The following ARHGAP25 variants were observed in gnomAD, a reference collection of about 807,000 sequenced individuals.
ARHGAP25 encodes rho GTPase-activating protein 25.
A neutral mutation model predicts 71.0 loss-of-function variants in ARHGAP25; 34 were observed. The ratio of observed to expected loss-of-function variants is 0.48; its 90% CI spans 0.36 to 0.64. The LOEUF (loss-of-function observed/expected upper bound fraction) is 0.64, where lower values mean the gene tolerates loss of function less well. Among genes scored for constraint, ARHGAP25 ranks in the 30% least tolerant of loss-of-function variants. The pLI, the probability that ARHGAP25 is intolerant of heterozygous loss-of-function variation, is 0.00. For missense variants in ARHGAP25, 706 were observed against 805.1 expected, an observed-to-expected ratio of 0.88 and a Z score of 1.49; for synonymous variants, 282 against 296.5, an observed-to-expected ratio of 0.95 and a Z score of 0.50.
chr2:68,790,081 A>G (rs1378771899), intron 4 of ARHGAP25, among the ~76,000 whole-genome samples: 1 of 152,128 alleles, frequency 6.6e-6, no homozygotes, highest in Non-Finnish European at 1.5e-5. Context: ...CTCCGCTTCC[A>G]GGGTTTGAGC....
At chr2:68,788,263 G>A (rs369838977) in intron 4 of ARHGAP25, among the ~76,000 whole-genome samples, 17 of 152,240 alleles carry the variant, frequency 1.1e-4, no homozygotes, top group African/African-American at 4.1e-4. Context: ...CTCCTCTCTG[G>A]GCCAAAGTAC....
At chr2:68,764,324 C>T (rs1302390036) in intron 1 of ARHGAP25, among the ~76,000 whole-genome samples, 2 of 152,172 alleles carry the variant, frequency 1.3e-5, no homozygotes, top group Non-Finnish European at 2.9e-5. Flanking sequence ...CTGCTAGAAA[C>T]ATTCACATTC....
chr2:68,822,986 A>G, intron 10 of ARHGAP25, 114 bp downstream of exon 10: 2 of 1,108,760 alleles, frequency 1.8e-6, no homozygotes, highest in South Asian at 1.6e-5. Flanking sequence ...TGGGGAAGAC[A>G]GTAATCTATA....
chr2:68,756,454 C>A (rs1169617754), intron 1 of ARHGAP25, among the ~76,000 whole-genome samples: 4 of 152,208 alleles, frequency 2.6e-5, no homozygotes, highest in Admixed American at 2.6e-4. Flanking sequence ...TGTGCCTTTT[C>A]CTGTGTCTCC....
intron 2 of ARHGAP25, among the ~76,000 whole-genome samples, chr2:68,722,997 GCT>G (rs1164530142): frequency 2.0e-5 from 3 of 152,148 alleles, no homozygotes; most frequent in Non-Finnish European, 2.9e-5. Context: ...TCACCTCTCT[GCT>G]CTCTTTTTTT....
intron 2 of ARHGAP25, among the ~76,000 whole-genome samples, chr2:68,719,970 C>T (rs533860417): frequency 1.8e-4 from 27 of 152,100 alleles, no homozygotes; most frequent in Non-Finnish European, 2.6e-4. Context: ...AGTGACCTGT[C>T]GCGTTCACTG....
intron 4 of ARHGAP25, among the ~76,000 whole-genome samples, chr2:68,800,854 T>C (rs1679914491): frequency 6.6e-6 from 1 of 152,128 alleles, no homozygotes; most frequent in Non-Finnish European, 1.5e-5. Flanking sequence ...TTAATAGTTA[T>C]AATTATCATA....
At chr2:68,817,486 T>G (rs1361185887) in intron 7 of ARHGAP25, among the ~76,000 whole-genome samples, 3 of 152,160 alleles carry the variant, frequency 2.0e-5, no homozygotes, top group East Asian at 3.8e-4. Flanking sequence ...AATAAAGTTT[T>G]CCTCTCTGGA....
intron 2 of ARHGAP25, among the ~76,000 whole-genome samples, chr2:68,717,704 A>C (rs1039032147): frequency 6.6e-6 from 1 of 152,168 alleles, no homozygotes; most frequent in African/African-American, 2.4e-5. Flanking sequence ...TATAAACACT[A>C]TCCATAAAGC....
upstream of ARHGAP25, among the ~76,000 whole-genome samples, chr2:68,733,257 G>A (rs1675074298): frequency 2.0e-5 from 3 of 152,210 alleles, no homozygotes; most frequent in South Asian, 6.2e-4. Flanking sequence ...CTGCTGATGG[G>A]CCCGTGAGAT....
upstream of ARHGAP25, among the ~76,000 whole-genome samples, chr2:68,731,920 G>A (rs945236409): frequency 1.3e-5 from 2 of 152,088 alleles, no homozygotes; most frequent in African/African-American, 4.8e-5. Flanking sequence ...GACAACAGCC[G>A]GTGTCAGGGC....
chr2:68,720,386 A>G (rs965116439), intron 2 of ARHGAP25, among the ~76,000 whole-genome samples: 1 of 151,882 alleles, frequency 6.6e-6, no homozygotes, highest in Admixed American at 6.6e-5. Flanking sequence ...CTTGCTCTGG[A>G]AACTTTACTC....
intron 1 of ARHGAP25, among the ~76,000 whole-genome samples, chr2:68,771,813 T>G (rs1467412344): frequency 6.6e-6 from 1 of 152,186 alleles, no homozygotes; most frequent in Non-Finnish European, 1.5e-5. Context: ...TATGGTGGGA[T>G]GTTAACAGGC....
chr2:68,805,291 G>A (rs1680281657), intron 4 of ARHGAP25, among the ~76,000 whole-genome samples: 1 of 152,066 alleles, frequency 6.6e-6, no homozygotes, highest in Admixed American at 6.6e-5. Context: ...CTTGAGGAAT[G>A]CCAGCCTTGA....
At chr2:68,738,169 A>T (rs1675314888) in intron 1 of ARHGAP25, among the ~76,000 whole-genome samples, 1 of 152,216 alleles carries the variant, frequency 6.6e-6, no homozygotes, top group Non-Finnish European at 1.5e-5. Context: ...TCAATTTTAG[A>T]ATCATGACAG....
chr2:68,735,300 G>A (rs12992698), intron 1 of ARHGAP25, 40 bp downstream of exon 1: 27,228 of 1,580,032 alleles, frequency 0.017, 261 homozygotes, highest in Non-Finnish European at 0.021. Flanking sequence ...TGATTCTTAC[G>A]TATACTCGAG....
intron 1 of ARHGAP25, among the ~76,000 whole-genome samples, chr2:68,768,955 A>G (rs1677302705): frequency 6.6e-6 from 1 of 152,134 alleles, no homozygotes; most frequent in African/African-American, 2.4e-5. Context: ...GTTCTGGTGC[A>G]TGTCAAGTCC....
At chr2:68,745,368 T>C (rs1675752771) in intron 1 of ARHGAP25, among the ~76,000 whole-genome samples, 1 of 152,188 alleles carries the variant, frequency 6.6e-6, no homozygotes, top group Non-Finnish European at 1.5e-5. Context: ...ACTCCAGCAA[T>C]TCTCTGACAT....
In ARHGAP25 at chr2:68,813,357, C is replaced by A. The variant is rs767519682; in HGVS notation, c.745C>A (p.Pro249Thr). The change falls in exon 6 of 11, where the codon CCC becomes ACC. Residue 249 changes from proline (P) to threonine (T), a missense_variant. Pro to Thr is a conservative substitution (Grantham distance 38). Coordinates refer to ENST00000409202, the MANE Select transcript of ARHGAP25 (RefSeq NM_001007231.3). ...YLRDLPEPVV[P>T]WSQYEGFLLC... ...CCGAGACCTCCCAGAGCCCGTGGTT[C>A]CCTGGAGCCAGTACGAAGGGTTCCT... 6.2e-7 allele frequency: 1 copy of A among 1,613,604 alleles called. No individual in the cohort carries two copies. The highest frequency in any genetic ancestry group is 2.2e-5 in the East Asian group (1 of 44,834).
Sources: gnomAD v4.1 joint callset for allele counts (sites outside exome capture counted in the v4.1 genomes callset) on GRCh38, gnomAD v4.1.1 for gene constraint, MANE v1.5 for transcripts, NCBI Gene and HGNC (gene_info 2026-07-23, HGNC 2026-07-21) for gene names.